The following RHOH variants were observed in gnomAD, a reference collection of about 807,000 sequenced individuals.
The protein encoded by RHOH is rho-related GTP-binding protein RhoH.
RHOH carries 6 observed loss-of-function variants against 13.8 expected under a neutral mutation model. The observed-to-expected ratio is 0.44, with a 90% confidence interval of 0.24 to 0.86. The LOEUF is 0.86. Ranked by LOEUF, RHOH falls within the 40% of genes least tolerant of loss-of-function variation. The pLI, the probability that RHOH is intolerant of heterozygous loss-of-function variation, is 0.24. For synonymous variants in RHOH, 117 were observed against 103.0 expected, an observed-to-expected ratio of 1.14 and a Z score of -0.82; for missense variants, 147 against 244.5, an observed-to-expected ratio of 0.60 and a Z score of 2.66.
At chr4:40,221,288 C>T (rs1347247740) in intron 1 of RHOH, among the ~76,000 whole-genome samples, 2 of 152,132 alleles carry the variant, frequency 1.3e-5, no homozygotes, top group African/African-American at 2.4e-5. Context: ...GAAAACCCTT[C>T]CCAGATTGTT....
intron 1 of RHOH, among the ~76,000 whole-genome samples, chr4:40,230,775 T>G (rs1727834050): frequency 6.6e-6 from 1 of 152,060 alleles, no homozygotes; most frequent in South Asian, 2.1e-4. Context: ...TTTGCTCATC[T>G]CCTTTGCAAG....
intron 1 of RHOH, among the ~76,000 whole-genome samples, chr4:40,207,945 A>C (rs1724844966): frequency 6.6e-6 from 1 of 152,190 alleles, no homozygotes; most frequent in South Asian, 2.1e-4. Flanking sequence ...CAGCCTGGGC[A>C]ACAGAGTGAG....
chr4:40,242,296 G>A (rs1266823200), intron 1 of RHOH, among the ~76,000 whole-genome samples: 4 of 152,234 alleles, frequency 2.6e-5, no homozygotes, highest in Non-Finnish European at 5.9e-5. Context: ...TTTCAAGCAA[G>A]TTATTTTGTT....
upstream of RHOH, among the ~76,000 whole-genome samples, chr4:40,195,397 CCTTCCTTCCTTCCTT>C (rs1405472500): frequency 9.2e-5 from 13 of 141,514 alleles, no homozygotes; most frequent in East Asian, 2.0e-3. Context: ...TTCCTTCCTT[CCTTCCTTCCTTCCTT>C]CCTTCCCTCC....
chr4:40,199,893 C>T (rs955781055), intron 1 of RHOH, among the ~76,000 whole-genome samples: 2 of 152,150 alleles, frequency 1.3e-5, no homozygotes, highest in Non-Finnish European at 2.9e-5. Context: ...GATTAAAAGC[C>T]TCCTTTAAAA....
At chr4:40,226,263 A>G (rs1020006105) in intron 1 of RHOH, among the ~76,000 whole-genome samples, 1 of 152,144 alleles carries the variant, frequency 6.6e-6, no homozygotes, top group African/African-American at 2.4e-5. Flanking sequence ...GCGGTGGCTC[A>G]TGCCTGTAGT....
intron 1 of RHOH, among the ~76,000 whole-genome samples, chr4:40,241,431 A>G (rs527364887): frequency 2.6e-5 from 4 of 152,342 alleles, no homozygotes; most frequent in African/African-American, 9.6e-5. Flanking sequence ...CATTTTTATG[A>G]GAAAACCAAG....
intron 1 of RHOH, among the ~76,000 whole-genome samples, chr4:40,201,054 G>T (rs1483715709): frequency 6.6e-6 from 1 of 152,160 alleles, no homozygotes; most frequent in Non-Finnish European, 1.5e-5. Context: ...GAAGAGAGTG[G>T]TTAAGAAACA....
upstream of RHOH, among the ~76,000 whole-genome samples, chr4:40,194,743 T>C (rs1394869572): frequency 1.3e-5 from 2 of 152,192 alleles, no homozygotes; most frequent in Non-Finnish European, 2.9e-5. Flanking sequence ...TGGCACATTC[T>C]TACTAATCTC....
intron 1 of RHOH, among the ~76,000 whole-genome samples, chr4:40,230,159 T>C (rs10008861): frequency 0.77 from 116,904 of 152,020 alleles, 45,190 homozygotes; most frequent in Admixed American, 0.81. Context: ...ATTCTCCTGC[T>C]ACAGCCTCCT....
At position 40,245,951 on chromosome 4, in the gene RHOH, C is replaced by T. The variant is rs1729741176; in HGVS notation, c.*1989C>T. On this transcript the variant is annotated 3_prime_UTR_variant, in exon 3 of 3. Coordinates refer to ENST00000381799, the MANE Select transcript of RHOH (RefSeq NM_004310.5). ...CCTGGGGCTGACACAGCTGCCTTCA[C>T]TCAGACTTCTCTGCTCTCCAGGCGG... 1 of 152,284 alleles carries T rather than the reference C, an allele frequency of 6.6e-6. No individual in the cohort carries two copies. The highest frequency in any genetic ancestry group is 2.4e-5 in the African/African-American group (1 of 41,462). 9.4% of individuals were successfully genotyped at this position (152,284 alleles called of 1,614,324 possible). A position where few individuals can be genotyped will look rare whatever the true frequency, so the allele number is the denominator to read the frequency against.
chr4:40,238,922 A>G (rs769573507), intron 1 of RHOH, among the ~76,000 whole-genome samples: 2 of 152,110 alleles, frequency 1.3e-5, no homozygotes. Context: ...TCAGACTCAC[A>G]TGCTGATGAT....
intron 1 of RHOH, among the ~76,000 whole-genome samples, chr4:40,198,938 G>A (rs551196031): frequency 1.6e-4 from 24 of 151,230 alleles, no homozygotes; most frequent in African/African-American, 5.8e-4. Flanking sequence ...CTTTTTTTCT[G>A]GACCATAAAA....
At chr4:40,193,515 A>AGGGGAGGG (rs1722834724), upstream of RHOH, 4 of 46,934 alleles carry the variant, frequency 8.5e-5, no homozygotes, top group East Asian at 1.3e-3. Flanking sequence ...AGAGGAGAGG[A>AGGGGAGGG]GGGGCGGGGT....
upstream of RHOH, among the ~76,000 whole-genome samples, chr4:40,194,320 C>G (rs1233862393): frequency 6.6e-6 from 1 of 152,062 alleles, no homozygotes; most frequent in African/African-American, 2.4e-5. Flanking sequence ...CCTCTGCCTA[C>G]TGGGTTCAAG....
At chr4:40,228,590 G>A (rs971496686) in intron 1 of RHOH, among the ~76,000 whole-genome samples, 9 of 152,112 alleles carry the variant, frequency 5.9e-5, no homozygotes, top group African/African-American at 2.2e-4. Flanking sequence ...CTTGAGATGT[G>A]ATGGTTTTCT....
At chr4:40,217,279 A>C (rs1046374127) in intron 1 of RHOH, among the ~76,000 whole-genome samples, 3 of 152,222 alleles carry the variant, frequency 2.0e-5, no homozygotes. Flanking sequence ...TAAAGTGACT[A>C]TCCAGTGACA....
chr4:40,229,504 C>T (rs140202755), intron 1 of RHOH, among the ~76,000 whole-genome samples: 1 of 152,002 alleles, frequency 6.6e-6, no homozygotes, highest in African/African-American at 2.4e-5. Context: ...CATGGTGGCA[C>T]ATGCCTGTAG....
intron 1 of RHOH, among the ~76,000 whole-genome samples, chr4:40,213,757 A>C (rs1725559308): frequency 6.6e-6 from 1 of 151,682 alleles, no homozygotes; most frequent in Admixed American, 6.6e-5. Context: ...TTCCTTTTTA[A>C]AAATTTTTCT....
Sources: allele counts gnomAD v4.1 joint callset (sites outside exome capture counted in the v4.1 genomes callset), GRCh38; gene constraint gnomAD v4.1.1; transcripts MANE v1.5; gene names NCBI Gene and HGNC (gene_info 2026-07-23, HGNC 2026-07-21).